The following PTPRZ1 variants were observed in gnomAD, a reference collection of about 807,000 sequenced individuals.
The protein encoded by PTPRZ1 is receptor-type tyrosine-protein phosphatase zeta.
In PTPRZ1, 82 loss-of-function variants were observed where a neutral mutation model predicts 214.1. The ratio of observed to expected loss-of-function variants is 0.38; its 90% confidence interval spans 0.32 to 0.46. The LOEUF is 0.46. Ranked by LOEUF, PTPRZ1 falls within the 20% of genes least tolerant of loss-of-function variation. The probability of loss-of-function intolerance (pLI) is 1.00; values close to 1 mark genes in which losing one functional copy is unlikely to be tolerated. For missense variants in PTPRZ1, 2,603 were observed against 2,748.7 expected, an observed-to-expected ratio of 0.95 and a Z score of 1.19; for synonymous variants, 945 against 987.9, an observed-to-expected ratio of 0.96 and a Z score of 0.81.
intron 25 of PTPRZ1, among the ~76,000 whole-genome samples, chr7:122,052,254 A>G (rs1027791771): frequency 1.3e-5 from 2 of 152,196 alleles, no homozygotes; most frequent in Admixed American, 1.3e-4. Context: ...ACTAAGGCAG[A>G]ACCCCTGAGC....
In PTPRZ1 at chr7:121,907,738, A is replaced by G. The variant is rs546556010; in HGVS notation, c.59-20418A>G. On this transcript the variant is annotated intron_variant, in intron 1 of 29. Transcript: ENST00000393386. ...TATATCTACATTAGCTTTTCCATGTATAAGTTTCACAAATAAATAAACTTC... is the reference window on the plus strand; with the variant it reads ...TATATCTACATTAGCTTTTCCATGTGTAAGTTTCACAAATAAATAAACTTC... Among the ~76,000 whole-genome samples the G allele has an allele frequency of 2.1e-3, 312 of 148,874 alleles. 1 individual carries two copies. The highest frequency in any genetic ancestry group is 7.1e-3 in the African/African-American group (293 of 41,086).
intron 1 of PTPRZ1, among the ~76,000 whole-genome samples, chr7:121,877,770 C>T (rs753057678): frequency 1.2e-4 from 19 of 152,074 alleles, no homozygotes; most frequent in Non-Finnish European, 2.2e-4. Flanking sequence ...CACAACTAGT[C>T]GAAAATAAGT....
At chr7:121,938,392 G>A (rs956440324) in intron 2 of PTPRZ1, among the ~76,000 whole-genome samples, 2 of 152,208 alleles carry the variant, frequency 1.3e-5, no homozygotes, top group African/African-American at 4.8e-5. Context: ...ACATGGTTCA[G>A]CTAAACTTTA....
chr7:121,969,891 T>G lies in PTPRZ1; in HGVS notation c.304+1761T>G, dbSNP rs565219183. 7.1e-4 allele frequency among the ~76,000 whole-genome samples: 108 copies of G among 151,666 alleles called. 1 individual carries two copies. The South Asian group carries it at 0.02, about 29-fold the overall frequency. On this transcript the variant is annotated intron_variant, in intron 3 of 29. Transcript: ENST00000393386. ...TATGTATACATGTGCCATGTTGGTG[T>G]GCTGCACCCATTAACTTGTCATTTA...
chr7:122,016,912 C>T (rs969078061), intron 12 of PTPRZ1, among the ~76,000 whole-genome samples: 1 of 152,008 alleles, frequency 6.6e-6, no homozygotes, highest in Non-Finnish European at 1.5e-5. Flanking sequence ...CTGGAGGACT[C>T]GTCAAAACAC....
At chr7:121,981,140 CAA>C (rs34208259) in intron 6 of PTPRZ1, among the ~76,000 whole-genome samples, 12 of 129,848 alleles carry the variant, frequency 9.2e-5, no homozygotes, top group Non-Finnish European at 9.7e-5. Context: ...GACTCCGTCT[CAA>C]AAAAAAAAAA....
chr7:121,938,289 C>G (rs1236134621), intron 2 of PTPRZ1, among the ~76,000 whole-genome samples: 39 of 152,192 alleles, frequency 2.6e-4, no homozygotes, highest in Admixed American at 2.6e-3. Flanking sequence ...ATCTCACCCC[C>G]CCATATAGCC....
chr7:122,019,364 T>C, intron 13 of PTPRZ1, 96 bp downstream of exon 13: 1 of 1,242,678 alleles, frequency 8.0e-7, no homozygotes, highest in Non-Finnish European at 1.1e-6. Context: ...TCAAAATGTA[T>C]TTTACCTGAG....
chr7:121,954,310 C>A (rs1027004058), intron 2 of PTPRZ1, among the ~76,000 whole-genome samples: 2 of 152,078 alleles, frequency 1.3e-5, no homozygotes, highest in Non-Finnish European at 1.5e-5. Context: ...GCATGCAAAG[C>A]CCCCAAATTT....
At chr7:121,894,416 T>A (rs890670110) in intron 1 of PTPRZ1, among the ~76,000 whole-genome samples, 2 of 152,200 alleles carry the variant, frequency 1.3e-5, no homozygotes, top group Non-Finnish European at 2.9e-5. Context: ...TGCTTTTTTT[T>A]ATTATTTGAG....
chr7:121,998,078 G>T, intron 10 of PTPRZ1, 72 bp downstream of exon 10: 2 of 1,470,176 alleles, frequency 1.4e-6, no homozygotes, highest in African/African-American at 1.4e-5. Context: ...ATGCATTGAT[G>T]CTTTCTCTCT....
chr7:121,959,065 C>T (rs372584765), intron 2 of PTPRZ1, among the ~76,000 whole-genome samples: 11 of 152,248 alleles, frequency 7.2e-5, no homozygotes, highest in South Asian at 2.1e-4. Flanking sequence ...CCTCGTGATC[C>T]GCCCGTCTCG....
intron 6 of PTPRZ1, among the ~76,000 whole-genome samples, chr7:121,978,957 T>C (rs1797522275): frequency 6.6e-6 from 1 of 152,104 alleles, no homozygotes; most frequent in Admixed American, 6.5e-5. Context: ...CAATCAGACA[T>C]TGCTGCTGGC....
intron 1 of PTPRZ1, among the ~76,000 whole-genome samples, chr7:121,911,301 A>G (rs1795269318): frequency 6.6e-6 from 1 of 152,144 alleles, no homozygotes; most frequent in Non-Finnish European, 1.5e-5. Flanking sequence ...ATGCACAGTT[A>G]TGACCTGCAT....
chr7:121,934,640 A>C (rs148332848), intron 2 of PTPRZ1, among the ~76,000 whole-genome samples: 1 of 152,286 alleles, frequency 6.6e-6, no homozygotes, highest in Non-Finnish European at 1.5e-5. Context: ...TATGAATCCA[A>C]GTAATTATTA....
chr7:122,027,473 T>C (rs1316245350), intron 13 of PTPRZ1, among the ~76,000 whole-genome samples: 1 of 152,192 alleles, frequency 6.6e-6, no homozygotes, highest in Non-Finnish European at 1.5e-5. Context: ...TTTAGGTGTG[T>C]CACTATATAA....
At chr7:122,028,821 C>G (rs1799285054) in intron 14 of PTPRZ1, among the ~76,000 whole-genome samples, 178 bp downstream of exon 14, 1 of 151,950 alleles carries the variant, frequency 6.6e-6, no homozygotes. Flanking sequence ...TATATTCTGT[C>G]CTCATTAATT....
chr7:122,040,328 A>T (rs1046019374), intron 20 of PTPRZ1, among the ~76,000 whole-genome samples: 2 of 152,232 alleles, frequency 1.3e-5, no homozygotes, highest in Non-Finnish European at 2.9e-5. Flanking sequence ...TCACATGATC[A>T]TGGGGATTAG....
intron 2 of PTPRZ1, among the ~76,000 whole-genome samples, chr7:121,961,690 A>G (rs547139310): frequency 5.3e-5 from 8 of 152,354 alleles, no homozygotes; most frequent in Admixed American, 1.3e-4. Context: ...CATTTGATGC[A>G]CAAAGTCTAT....
Sources: gnomAD v4.1 joint callset for allele counts (sites outside exome capture counted in the v4.1 genomes callset) on GRCh38, gnomAD v4.1.1 for gene constraint, MANE v1.5 for transcripts, NCBI Gene and HGNC (gene_info 2026-07-23, HGNC 2026-07-21) for gene names.